Variants in GMDS observed in about 807,000 individuals in gnomAD.
The protein encoded by GMDS is GDP-mannose 4,6 dehydratase.
In GMDS, 20 loss-of-function variants were observed where a neutral mutation model predicts 49.9. That is an observed-to-expected ratio of 0.40 (90% CI 0.28 to 0.58). The LOEUF (loss-of-function observed/expected upper bound fraction) is 0.58, where lower values mean the gene tolerates loss of function less well. Ranked by LOEUF, GMDS falls within the 20% of genes least tolerant of loss-of-function variation. The pLI, the probability that GMDS is intolerant of heterozygous loss-of-function variation, is 0.42. For missense variants in GMDS, 362 were observed against 481.4 expected (o/e 0.75, Z 2.32); for synonymous variants, 177 against 178.6 (o/e 0.99, Z 0.07).
At position 1,847,993 on chromosome 6, in the gene GMDS, C is replaced by T. The variant is rs549397856; in HGVS notation, c.771+82110G>A. 1.9e-3 allele frequency among the ~76,000 whole-genome samples: 286 copies of T among 152,254 alleles called. 1 individual carries two copies. The highest frequency in any genetic ancestry group is 3.3e-3 in the Non-Finnish European group (224 of 68,014). On this transcript the variant is annotated intron_variant, in intron 7 of 10. Transcript: ENST00000380815. ...GTACGGCCAAGGCATTAAGCCAAAC[C>T]ATGGGTGCTGGAGAAGCCTCTCCAA... is the stretch of plus-strand genomic sequence containing the variant.
At chr6:1,944,454 G>A (rs375369037) in intron 6 of GMDS, among the ~76,000 whole-genome samples, 107 of 151,936 alleles carry the variant, frequency 7.0e-4, no homozygotes, top group African/African-American at 2.4e-3. Flanking sequence ...GCAGTGAGCC[G>A]AGATGGCGCC....
intron 1 of GMDS, among the ~76,000 whole-genome samples, chr6:2,227,859 C>A (rs369086953): frequency 6.6e-6 from 1 of 152,346 alleles, no homozygotes. Flanking sequence ...CAGACATAGG[C>A]TCTCCTACCT....
intron 7 of GMDS, among the ~76,000 whole-genome samples, chr6:1,831,872 G>A (rs1756662414): frequency 6.6e-6 from 1 of 152,014 alleles, no homozygotes; most frequent in Non-Finnish European, 1.5e-5. Flanking sequence ...AGGAGTTTCA[G>A]CCACTTTTAC....
intron 1 of GMDS, among the ~76,000 whole-genome samples, chr6:2,156,339 G>A (rs1425715192): frequency 3.3e-5 from 5 of 151,982 alleles, no homozygotes; most frequent in East Asian, 3.9e-4. Context: ...TCACTATCAC[G>A]GTGAATTTTT....
chr6:1,866,672 T>A (rs1758455694), intron 7 of GMDS, among the ~76,000 whole-genome samples: 1 of 152,154 alleles, frequency 6.6e-6, no homozygotes, highest in Non-Finnish European at 1.5e-5. Context: ...TTAAAAAAGG[T>A]AATGCATGCA....
intron 7 of GMDS, among the ~76,000 whole-genome samples, chr6:1,905,927 A>T (rs1442183437): frequency 6.6e-6 from 1 of 151,892 alleles, no homozygotes; most frequent in Non-Finnish European, 1.5e-5. Flanking sequence ...GGTGTCCCTG[A>T]GAAGGAGCGC....
intron 4 of GMDS, among the ~76,000 whole-genome samples, chr6:1,969,289 A>AG (rs755490441): frequency 0.11 from 9,334 of 83,696 alleles, 2,290 homozygotes; most frequent in East Asian, 0.15. Flanking sequence ...AAAAAAAAAA[A>AG]AGAGAAAGAA....
intron 9 of GMDS, among the ~76,000 whole-genome samples, chr6:1,680,202 T>C (rs530056449): frequency 6.6e-6 from 1 of 152,208 alleles, no homozygotes; most frequent in Non-Finnish European, 1.5e-5. Flanking sequence ...AGACCGGGCC[T>C]CAGAGGTGAA....
At chr6:2,143,977 CA>C (rs1388495023) in intron 1 of GMDS, among the ~76,000 whole-genome samples, 2 of 151,686 alleles carry the variant, frequency 1.3e-5, no homozygotes, top group Non-Finnish European at 2.9e-5. Context: ...GCCTTGCCTT[CA>C]AAAAACAGCA....
intron 7 of GMDS, among the ~76,000 whole-genome samples, chr6:1,827,302 GGAAAACCTGTATATACACACGTTTTA>G (rs1361419762): frequency 7.3e-5 from 11 of 151,198 alleles, no homozygotes; most frequent in African/African-American, 1.7e-4. Flanking sequence ...CACATGTTTT[GGAAAACCTGTATATACACACGTTTTA>G]GAAAACCTGT....
chr6:1,817,283 C>G (rs1017030809), intron 7 of GMDS, among the ~76,000 whole-genome samples: 16 of 151,964 alleles, frequency 1.1e-4, no homozygotes, highest in African/African-American at 3.9e-4. Flanking sequence ...AAATAGACTT[C>G]CTTAATGATT....
At chr6:1,997,618 G>A (rs1581486273) in intron 4 of GMDS, among the ~76,000 whole-genome samples, 1 of 151,992 alleles carries the variant, frequency 6.6e-6, no homozygotes, top group Non-Finnish European at 1.5e-5. Flanking sequence ...CCCTGTGGTG[G>A]CTTCCTAAAG....
chr6:2,206,813 AT>A (rs575063083), intron 1 of GMDS, among the ~76,000 whole-genome samples: 109 of 152,264 alleles, frequency 7.2e-4, no homozygotes, highest in African/African-American at 2.4e-3. Context: ...GCTTTAAAGT[AT>A]TTCCAGGTAT....
At chr6:1,727,571 T>C (rs1766641675) in intron 8 of GMDS, among the ~76,000 whole-genome samples, 1 of 152,122 alleles carries the variant, frequency 6.6e-6, no homozygotes, top group Admixed American at 6.5e-5. Context: ...AGAGTCATCA[T>C]GGGGAAGACA....
intron 1 of GMDS, among the ~76,000 whole-genome samples, chr6:2,143,699 A>C (rs1776419475): frequency 6.6e-6 from 1 of 152,252 alleles, no homozygotes; most frequent in East Asian, 1.9e-4. Flanking sequence ...ACCTCTTAGC[A>C]AATCTTGAGG....
chr6:1,999,894 G>GAT (rs1204561851), intron 4 of GMDS, among the ~76,000 whole-genome samples: 1 of 97,344 alleles, frequency 1.0e-5, no homozygotes, highest in African/African-American at 3.8e-5. Context: ...GAGACATAAC[G>GAT]ATATATATAA....
intron 1 of GMDS, among the ~76,000 whole-genome samples, chr6:2,172,054 C>T (rs1422668118): frequency 6.6e-6 from 1 of 152,006 alleles, no homozygotes; most frequent in Non-Finnish European, 1.5e-5. Context: ...GCATGTGTAA[C>T]AAAAAGCAGA....
intron 4 of GMDS, among the ~76,000 whole-genome samples, chr6:2,027,778 T>A (rs1254874198): frequency 6.6e-6 from 1 of 152,192 alleles, no homozygotes; most frequent in Non-Finnish European, 1.5e-5. Context: ...TTATTAAAAA[T>A]ATATTTTTAA....
At chr6:2,024,608 A>G (rs1313275894) in intron 4 of GMDS, among the ~76,000 whole-genome samples, 1 of 152,082 alleles carries the variant, frequency 6.6e-6, no homozygotes, top group African/African-American at 2.4e-5. Context: ...CTATAAAAGC[A>G]AAAAGAATAC....
Sources: gnomAD v4.1 joint callset for allele counts (sites outside exome capture counted in the v4.1 genomes callset) on GRCh38, gnomAD v4.1.1 for gene constraint, MANE v1.5 for transcripts, NCBI Gene and HGNC (gene_info 2026-07-23, HGNC 2026-07-21) for gene names.